ATM: variants seen among roughly 807,000 people sequenced by gnomAD.
ATM encodes the protein serine-protein kinase ATM.
ATM carries 308 observed loss-of-function variants against 387.0 expected under a neutral mutation model. The observed-to-expected ratio is 0.80, with a 90% CI of 0.73 to 0.87. The LOEUF is 0.87. ATM is among the 40% of genes least tolerant of loss of function. ATM has a pLI of 0.00. For synonymous variants in ATM, 1,156 were observed against 1,187.3 expected (o/e 0.97, Z 0.54); for missense variants, 3,312 against 3,560.9 (o/e 0.93, Z 1.78).
At chr11:108,254,494 G>A (rs1243199452) in intron 13 of ATM, among the ~76,000 whole-genome samples, 1 of 152,144 alleles carries the variant, frequency 6.6e-6, no homozygotes, top group Non-Finnish European at 1.5e-5. Context: ...ATTTCCTTTA[G>A]CCTCAAAATC....
rs1164846644 is a variant in ATM at position 108,368,915 on chromosome 11, A to G, written c.*3407A>G. 1 of 194,906 alleles carries G rather than the reference A, an allele frequency of 5.1e-6. No individual in the cohort carries two copies. The highest frequency in any genetic ancestry group is 1.1e-5 in the Non-Finnish European group (1 of 93,690). The allele number at this position is 194,906 out of a possible 1,614,324, so 12.1% of individuals were successfully genotyped here. A position where few individuals can be genotyped will look rare whatever the true frequency, so the allele number is the denominator to read the frequency against. ...AACTTTGGACAGCGTAAAGACTAGA[A>G]TAGTCTTTTAAAAAGAAAGCCAGTA... On this transcript the variant is annotated 3_prime_UTR_variant, in exon 63 of 63. Coordinates refer to ENST00000675843, the MANE Select transcript of ATM (RefSeq NM_000051.4).
At chr11:108,302,154 G>A (rs1047620386) in intron 35 of ATM, among the ~76,000 whole-genome samples, 4 of 152,072 alleles carry the variant, frequency 2.6e-5, no homozygotes, top group Non-Finnish European at 5.9e-5. Flanking sequence ...TCCATGTCAA[G>A]TTAACATATC....
chr11:108,257,660 C>A (rs2080591806), intron 15 of ATM, 54 bp downstream of exon 15: 1 of 1,565,254 alleles, frequency 6.4e-7, no homozygotes, highest in Non-Finnish European at 8.7e-7. Context: ...TTCTCTGTCA[C>A]CCAGGCTGGA....
chr11:108,353,717 A>G (rs745786427), intron 59 of ATM, 49 bp from the exon 60 acceptor site: 1 of 1,428,678 alleles, frequency 7.0e-7, no homozygotes, highest in Non-Finnish European at 9.9e-7. Context: ...CTGGAAAGAA[A>G]GTAAATTAGC....
At position 108,301,118 on chromosome 11, in the gene ATM, G is replaced by A. The variant is rs4988033; in HGVS notation, c.5178-530G>A. Reference sequence around the variant, plus strand: ...AGGTATATCAAGCACAGTTTTTGAAGAGAGTGCCACAGAAAATTTGCGAGC... The same window carrying A: ...AGGTATATCAAGCACAGTTTTTGAAAAGAGTGCCACAGAAAATTTGCGAGC... On this transcript the variant is annotated intron_variant, in intron 34 of 62. Coordinates refer to ENST00000675843, the MANE Select transcript of ATM (RefSeq NM_000051.4). 6.0e-3 allele frequency among the ~76,000 whole-genome samples: 920 copies of A among 152,158 alleles called. 6 individuals carry two copies. Among genetic ancestry groups the A allele is most frequent in the East Asian group, 0.011 (55 of 5,178 alleles).
intron 4 of ATM, chr11:108,230,877 T>C (rs888083949): frequency 4.6e-5 from 7 of 152,206 alleles, no homozygotes; most frequent in Non-Finnish European, 8.8e-5. Flanking sequence ...AATTTTTGTA[T>C]TTTTAATAGA....
intron 22 of ATM, among the ~76,000 whole-genome samples, chr11:108,278,466 A>ATTCTTTT (rs1172959698): frequency 6.6e-6 from 1 of 152,190 alleles, no homozygotes; most frequent in South Asian, 2.1e-4. Context: ...TGCAAGTAGC[A>ATTCTTTT]TTCTTTTTTT....
At chr11:108,262,361 G>A (rs942480083) in intron 16 of ATM, among the ~76,000 whole-genome samples, 1 of 152,174 alleles carries the variant, frequency 6.6e-6, no homozygotes, top group Non-Finnish European at 1.5e-5. Context: ...TTTCAACCCA[G>A]AATTTCATGT....
intron 42 of ATM, 130 bp from the exon 43 acceptor site, chr11:108,317,243 T>G: frequency 2.2e-6 from 2 of 911,956 alleles, no homozygotes; most frequent in Non-Finnish European, 3.4e-6. Context: ...CCAGCTGATA[T>G]TTTGGGATTT....
At chr11:108,352,910 A>G (rs2089384690) in intron 59 of ATM, among the ~76,000 whole-genome samples, 1 of 152,186 alleles carries the variant, frequency 6.6e-6, no homozygotes, top group Non-Finnish European at 1.5e-5. Context: ...CTGCTAGAAA[A>G]ATAGGGGGTC....
At position 108,251,883 on chromosome 11, in the gene ATM, C is replaced by G. The variant is rs1199781239; in HGVS notation, c.1654C>G (p.Pro552Ala). 1 of 1,613,786 alleles carries G rather than the reference C, an allele frequency of 6.2e-7. No individual in the cohort carries two copies. The highest frequency in any genetic ancestry group is 8.5e-7 in the Non-Finnish European group (1 of 1,179,846). ...LTLALTTSIV[P>A]GTVKMGIEQN... ...TTTGGCACTGACCACCAGTATAGTT[C>G]CAGGAACGGTAAAAATGGGAATAGA... is the stretch of plus-strand genomic sequence containing the variant. Residue 552 changes from proline (P) to alanine (A), a missense_variant, in exon 11 of 63, where the codon CCA becomes GCA. By Grantham distance (27) the Pro-to-Ala change is conservative. Around this residue, in one of 4 missense-constraint regions of ATM, gnomAD observed 1,791 missense variants for 1,804.5 expected, o/e 0.99. Transcript: ENST00000675843.
Position 108,367,894 on chromosome 11 carries a change from T to C in ATM, c.*2386T>C, listed in dbSNP as rs1415094927. ...GTATATATTGGTAGTTTTATTACTA[T>C]AGTAAATCAAGGAAATGCAGTAAAC... On this transcript the variant is annotated 3_prime_UTR_variant, in exon 63 of 63. Transcript: ENST00000675843. 4 of 205,060 alleles carry C rather than the reference T, an allele frequency of 2.0e-5. No homozygotes were observed. The highest frequency in any genetic ancestry group is 3.0e-5 in the Non-Finnish European group (3 of 100,118). The allele number at this position is 205,060 out of a possible 1,614,324, so 12.7% of individuals were successfully genotyped here.
rs1555092229 is a variant in ATM at position 108,282,705 on chromosome 11, T to C, written c.3577-5T>C. The C allele has an allele frequency of 6.2e-7, 1 of 1,612,876 alleles. No homozygotes were observed. Among genetic ancestry groups the C allele is most frequent in the Non-Finnish European group, 8.5e-7 (1 of 1,179,488 alleles). The stretch of plus-strand genomic sequence containing the variant: ...CTTAACACATTGACTTTTTGGTTCG[T>C]GCAGGTTTTAGAGAAAGTTTCTGAA... On this transcript the variant is annotated splice_region_variant and splice_polypyrimidine_tract_variant and intron_variant, in intron 24 of 62. Transcript: ENST00000675843.
intron 61 of ATM, among the ~76,000 whole-genome samples, chr11:108,358,343 A>C (rs984741156): frequency 5.1e-4 from 74 of 144,260 alleles, no homozygotes; most frequent in African/African-American, 1.8e-3. Flanking sequence ...AGTGATGGGG[A>C]GAATGGAACC....
Position 108,345,850 on chromosome 11 carries a change from A to G in ATM, c.8526A>G (p.Pro2842=), listed in dbSNP as rs900737596. ...TCTGCATGGAAAAATTCTTGGATCC[A>G]GCTATTTGGTTTGAGAAGCGATTGG... ...RYFCMEKFLD[P]AIWFEKRLAY... The change falls in exon 58 of 63, where the codon CCA becomes CCG. Residue 2842 remains proline, a synonymous_variant. Transcript: ENST00000675843. 1 of 1,613,888 alleles carries G rather than the reference A, an allele frequency of 6.2e-7. No individual in the cohort carries two copies. The highest frequency in any genetic ancestry group is 1.7e-5 in the Admixed American group (1 of 59,994).
rs1263566342 is a variant in ATM at position 108,271,326 on chromosome 11, A to C, written c.2997A>C (p.Lys999Asn). 6.2e-7 allele frequency: 1 copy of C among 1,614,094 alleles called. No homozygotes were observed. The highest frequency in any genetic ancestry group is 2.2e-5 in the East Asian group (1 of 44,846). Reference sequence around the variant, plus strand: ...TAAACCATGTCCTTCATGTAGTGAAAAACCTAGGTCAAAGCAATATGGACT... The same window carrying C: ...TAAACCATGTCCTTCATGTAGTGAACAACCTAGGTCAAAGCAATATGGACT... ...TILNHVLHVVKNLGQSNMDSE... is the reference protein window; with the variant it reads ...TILNHVLHVVNNLGQSNMDSE... Residue 999 changes from lysine to asparagine, a missense_variant, in exon 20 of 63, where the codon AAA (lysine) becomes AAC (asparagine). By Grantham distance (94) the Lys-to-Asn change is moderately conservative. This residue lies in a region of ATM where 1,791 missense variants were observed against 1,804.5 expected (regional missense o/e 0.99). Coordinates refer to ENST00000675843, the MANE Select transcript of ATM (RefSeq NM_000051.4).
chr11:108,280,393 GCTAA>G (rs2082170838), intron 23 of ATM, among the ~76,000 whole-genome samples: 2 of 152,206 alleles, frequency 1.3e-5, no homozygotes, highest in South Asian at 4.1e-4. Flanking sequence ...TACCAAAAAG[GCTAA>G]CTCTGTCTTA....
chr11:108,339,841 CA>C (rs1429857023), intron 56 of ATM, among the ~76,000 whole-genome samples: 4 of 152,088 alleles, frequency 2.6e-5, no homozygotes, highest in Non-Finnish European at 5.9e-5. Flanking sequence ...GATCAAGCAT[CA>C]GGGGTCACAG....
At chr11:108,351,134 A>G (rs2089154476) in intron 59 of ATM, among the ~76,000 whole-genome samples, 1 of 152,230 alleles carries the variant, frequency 6.6e-6, no homozygotes, top group Admixed American at 6.5e-5. Context: ...ATGCTAAGTG[A>G]AAGATTCCAA....
Sources: gnomAD v4.1 joint callset for allele counts (sites outside exome capture counted in the v4.1 genomes callset) on GRCh38, gnomAD v4.1.1 for gene constraint, gnomAD v4.1.1 regional missense constraint, MANE v1.5 for transcripts, NCBI Gene and HGNC (gene_info 2026-07-23, HGNC 2026-07-21) for gene names.